The following TRPM3 variants were observed in gnomAD, a reference collection of about 807,000 sequenced individuals.
TRPM3 encodes the protein transient receptor potential cation channel subfamily M member 3.
TRPM3 carries 77 observed loss-of-function variants against 181.2 expected under a neutral mutation model. The observed-to-expected ratio is 0.42, with a 90% CI of 0.35 to 0.51. TRPM3 has a LOEUF of 0.51. TRPM3 is among the 20% of genes least tolerant of loss of function. The pLI, the probability that TRPM3 is intolerant of heterozygous loss-of-function variation, is 0.01. For missense variants in TRPM3, 1,759 were observed against 2,196.7 expected (o/e 0.80, Z 3.98); for synonymous variants, 745 against 796.4 (o/e 0.94, Z 1.09).
Position 71,132,983 on chromosome 9 carries a change from T to A in TRPM3, c.184-268472A>T, listed in dbSNP as rs372212785. On this transcript the variant is annotated intron_variant, in intron 1 of 24. Transcript: ENST00000357533. ...ACTCAATCATATGTTTTTGTGCACA[T>A]CTCTGATTATTTCCTTAAGATACAA... 4.3e-4 allele frequency among the ~76,000 whole-genome samples: 66 copies of A among 152,180 alleles called. 1 individual carries two copies. The East Asian group carries it at 6.9e-3, about 16-fold the overall frequency.
chr9:70,611,202 T>G (rs2061946968), intron 18 of TRPM3, among the ~76,000 whole-genome samples: 2 of 152,064 alleles, frequency 1.3e-5, no homozygotes, highest in South Asian at 4.1e-4. Context: ...ATACCTAATT[T>G]ATCCAAAGGT....
At chr9:71,423,563 T>C (rs2093814018) in intron 1 of TRPM3, among the ~76,000 whole-genome samples, 1 of 152,104 alleles carries the variant, frequency 6.6e-6, no homozygotes, top group African/African-American at 2.4e-5. Context: ...TCTCAATATT[T>C]TATGCTTATT....
intron 9 of TRPM3, among the ~76,000 whole-genome samples, chr9:70,663,059 A>G (rs2061347546): frequency 6.6e-6 from 1 of 152,240 alleles, no homozygotes; most frequent in African/African-American, 2.4e-5. Flanking sequence ...TTACTCAGCC[A>G]TAAAAAGGAA....
chr9:70,575,370 A>G (rs1311489024), intron 22 of TRPM3, among the ~76,000 whole-genome samples: 1 of 151,938 alleles, frequency 6.6e-6, no homozygotes, highest in Admixed American at 6.6e-5. Flanking sequence ...ATTTTTTCCT[A>G]CTGTTACTAC....
At chr9:71,279,353 G>A (rs565045155) in intron 1 of TRPM3, among the ~76,000 whole-genome samples, 1 of 152,242 alleles carries the variant, frequency 6.6e-6, no homozygotes, top group South Asian at 2.1e-4. Flanking sequence ...AAGGTGTGTT[G>A]GCTTACTGAC....
In TRPM3 at chr9:71,427,134, T is replaced by C. The variant is rs75759042; in HGVS notation, c.183+19519A>G. Among the ~76,000 whole-genome samples, 381 of 152,342 alleles carry C rather than the reference T, an allele frequency of 2.5e-3. 2 individuals are homozygous for C. Among genetic ancestry groups the C allele is most frequent in the African/African-American group, 8.9e-3 (368 of 41,570 alleles). ...AACAATAATGCCTTACGGTATTTTT[T>C]TTCTTCAGTGGTCAATGATTCCATC... On this transcript the variant is annotated intron_variant, in intron 1 of 24. Coordinates refer to the TRPM3 transcript ENST00000357533.
At chr9:70,657,762 A>G (rs1263234740) in intron 9 of TRPM3, among the ~76,000 whole-genome samples, 2 of 152,164 alleles carry the variant, frequency 1.3e-5, no homozygotes, top group Admixed American at 1.3e-4. Flanking sequence ...AATCTTAAAC[A>G]CTGACAGCAA....
At chr9:71,237,060 A>AAGG (rs1294519191) in intron 1 of TRPM3, among the ~76,000 whole-genome samples, 3 of 138,982 alleles carry the variant, frequency 2.2e-5, no homozygotes, top group African/African-American at 8.3e-5. Context: ...AAAAAAAAAA[A>AAGG]GGGGGGGGGA....
intron 6 of TRPM3, among the ~76,000 whole-genome samples, chr9:70,822,651 T>C (rs779548543): frequency 4.6e-5 from 7 of 152,088 alleles, no homozygotes; most frequent in Non-Finnish European, 1.0e-4. Context: ...ACAAAAACAA[T>C]GTAAATATAT....
At chr9:70,551,406 C>A (rs1399420484) in intron 24 of TRPM3, among the ~76,000 whole-genome samples, 1 of 152,182 alleles carries the variant, frequency 6.6e-6, no homozygotes, top group Non-Finnish European at 1.5e-5. Flanking sequence ...AGTAACCTGG[C>A]AATGCTTTCG....
chr9:70,624,573 A>G (rs2064185610), intron 14 of TRPM3, among the ~76,000 whole-genome samples: 1 of 152,208 alleles, frequency 6.6e-6, no homozygotes, highest in Non-Finnish European at 1.5e-5. Flanking sequence ...AATGATATTT[A>G]CAATTATATG....
intron 1 of TRPM3, among the ~76,000 whole-genome samples, chr9:71,437,233 A>G (rs1475563403): frequency 6.6e-6 from 1 of 152,206 alleles, no homozygotes; most frequent in Non-Finnish European, 1.5e-5. Context: ...TATTTCAGCT[A>G]ATAAATGAAA....
At chr9:71,349,339 G>A (rs1284652695) in intron 1 of TRPM3, among the ~76,000 whole-genome samples, 1 of 152,128 alleles carries the variant, frequency 6.6e-6, no homozygotes, top group Non-Finnish European at 1.5e-5. Context: ...TAGAAGAGAG[G>A]CAATCTGGTA....
intron 7 of TRPM3, among the ~76,000 whole-genome samples, chr9:70,764,751 TA>T (rs2078781783): frequency 6.6e-6 from 1 of 152,162 alleles, no homozygotes; most frequent in South Asian, 2.1e-4. Flanking sequence ...ATTCAAAGCA[TA>T]AAGTTAAAGA....
At chr9:70,865,985 C>T (rs1022314797) in intron 1 of TRPM3, among the ~76,000 whole-genome samples, 9 of 152,010 alleles carry the variant, frequency 5.9e-5, no homozygotes, top group African/African-American at 2.2e-4. Flanking sequence ...GAAAAATTCC[C>T]AATGTCTAGT....
At chr9:71,145,941 A>G (rs1248396153) in intron 1 of TRPM3, among the ~76,000 whole-genome samples, 2 of 152,204 alleles carry the variant, frequency 1.3e-5, no homozygotes, top group Non-Finnish European at 2.9e-5. Flanking sequence ...CTAAAGAACT[A>G]AGAAAAATAA....
intron 1 of TRPM3, among the ~76,000 whole-genome samples, chr9:71,240,679 T>A (rs2081610956): frequency 6.7e-6 from 1 of 150,150 alleles, no homozygotes; most frequent in South Asian, 2.1e-4. Context: ...GTAAAAAAAG[T>A]TATTTTAAGA....
chr9:71,141,198 ATAAAT>A (rs1007768193), intron 1 of TRPM3, among the ~76,000 whole-genome samples: 2 of 152,188 alleles, frequency 1.3e-5, no homozygotes, highest in African/African-American at 4.8e-5. Flanking sequence ...TCTTATTCAG[ATAAAT>A]TAATTAGTTG....
At chr9:71,350,018 C>A (rs1162031777) in intron 1 of TRPM3, among the ~76,000 whole-genome samples, 1 of 142,546 alleles carries the variant, frequency 7.0e-6, no homozygotes, top group African/African-American at 2.7e-5. Context: ...TAAAAAATGA[C>A]CTGTGTAGAA....
Sources: gnomAD v4.1 joint callset for allele counts (sites outside exome capture counted in the v4.1 genomes callset) on GRCh38, gnomAD v4.1.1 for gene constraint, MANE v1.5 for transcripts, NCBI Gene and HGNC (gene_info 2026-07-23, HGNC 2026-07-21) for gene names.